NIPBL: variants seen among roughly 807,000 people sequenced by gnomAD.
NIPBL encodes nipped-B-like protein.
A neutral mutation model predicts 321.8 loss-of-function variants in NIPBL; 19 were observed. That is an observed-to-expected ratio of 0.06 (90% CI 0.04 to 0.09). The LOEUF is 0.09. Among genes scored for constraint, NIPBL ranks in the 10% least tolerant of loss-of-function variants. The pLI is 1.00. For missense variants in NIPBL, 2,210 were observed against 3,327.0 expected (o/e 0.66, Z 8.26); for synonymous variants, 1,106 against 1,114.1 (o/e 0.99, Z 0.14).
At chr5:37,050,085 A>G (rs1430525934) in intron 40 of NIPBL, among the ~76,000 whole-genome samples, 2 of 152,160 alleles carry the variant, frequency 1.3e-5, no homozygotes, top group South Asian at 2.1e-4. Flanking sequence ...ACAGTAGTAC[A>G]TTGAGACTGT....
intron 6 of NIPBL, among the ~76,000 whole-genome samples, chr5:36,966,879 C>T (rs1378729034): frequency 6.6e-6 from 1 of 151,712 alleles, no homozygotes; most frequent in Non-Finnish European, 1.5e-5. Context: ...ATAAGAAAAA[C>T]GTGGGCGAAT....
chr5:37,007,720 C>G (rs189104449), intron 18 of NIPBL, among the ~76,000 whole-genome samples: 2 of 151,834 alleles, frequency 1.3e-5, no homozygotes, highest in African/African-American at 4.8e-5. Context: ...TATTTTCATG[C>G]AGATATTAAA....
chr5:36,927,503 G>A (rs1050258937), intron 1 of NIPBL, among the ~76,000 whole-genome samples: 7 of 152,088 alleles, frequency 4.6e-5, no homozygotes, highest in African/African-American at 1.7e-4. Flanking sequence ...GTCTGGGAAG[G>A]GAGCATGGTG....
In NIPBL at chr5:37,033,653, T is replaced by C. The variant is rs1457824147; in HGVS notation, c.5863-2726T>C. Among the ~76,000 whole-genome samples, 4 of 140,784 alleles carry C rather than the reference T, an allele frequency of 2.8e-5. No homozygotes were observed. The East Asian group carries it at 8.2e-4, about 29-fold the overall frequency. The allele number at this position is 140,784 out of a possible 152,430, so 92.4% of individuals were successfully genotyped here. A position where few individuals can be genotyped will look rare whatever the true frequency, so the allele number is the denominator to read the frequency against. On this transcript the variant is annotated intron_variant, in intron 32 of 46. Transcript: ENST00000282516. ...TTTTAGAAAATATAGGAGAAAAAAATTTTTAATTACATATGTGTGTGTATA... is the reference window on the plus strand; with the variant it reads ...TTTTAGAAAATATAGGAGAAAAAAACTTTTAATTACATATGTGTGTGTATA...
intron 1 of NIPBL, among the ~76,000 whole-genome samples, chr5:36,897,570 C>T (rs371946733): frequency 6.6e-5 from 10 of 152,030 alleles, no homozygotes; most frequent in South Asian, 2.1e-4. Flanking sequence ...AACAAACTTA[C>T]GCACATATGA....
rs187927892 is a variant in NIPBL, at chr5:36,980,471, T to C, written c.1495+4069T>C. The stretch of plus-strand genomic sequence containing the variant: ...TGATGTTTCATTTCACACCAGACTT[T>C]ATATACAATGGTGGTCCCATAAAAA... On this transcript the variant is annotated intron_variant, in intron 9 of 46. Transcript: ENST00000282516. Among the ~76,000 whole-genome samples, 6 of 151,836 alleles carry C rather than the reference T, an allele frequency of 4.0e-5. No homozygotes were observed. In the East Asian group the frequency reaches 9.6e-4, roughly 24 times the overall value.
intron 1 of NIPBL, among the ~76,000 whole-genome samples, chr5:36,902,598 C>CTGTGTATCTGTTTAG (rs1384275869): frequency 6.6e-6 from 1 of 152,118 alleles, no homozygotes; most frequent in Admixed American, 6.6e-5. Context: ...TTCCATTTGT[C>CTGTGTATCTGTTTAG]TGTGTATCTG....
At chr5:37,052,597 A>ATTCT in intron 42 of NIPBL, 31 bp downstream of exon 42, 1 of 1,563,648 alleles carries the variant, frequency 6.4e-7, no homozygotes, top group Non-Finnish European at 8.8e-7. Flanking sequence ...TTTTAAGAAA[A>ATTCT]TAAGTGCTCT....
At chr5:37,048,786 T>A (rs1753225685) in intron 39 of NIPBL, 111 bp downstream of exon 39, 1 of 917,914 alleles carries the variant, frequency 1.1e-6, no homozygotes, top group African/African-American at 1.7e-5. Context: ...AGAAATTCAG[T>A]TAAATAGCAG....
At chr5:37,003,169 C>T (rs1747020610) in intron 15 of NIPBL, 92 bp from the exon 16 acceptor site, 1 of 810,960 alleles carries the variant, frequency 1.2e-6, no homozygotes, top group Non-Finnish European at 2.1e-6. Context: ...CTATTTCCTC[C>T]ATAGCTCAAA....
chr5:37,009,106 G>T (rs893627864), intron 20 of NIPBL, among the ~76,000 whole-genome samples: 1 of 152,106 alleles, frequency 6.6e-6, no homozygotes, highest in African/African-American at 2.4e-5. Flanking sequence ...TTATTTCCAG[G>T]CACTGGAGAG....
At chr5:36,902,879 T>C (rs1039319659) in intron 1 of NIPBL, among the ~76,000 whole-genome samples, 1 of 152,222 alleles carries the variant, frequency 6.6e-6, no homozygotes, top group African/African-American at 2.4e-5. Context: ...TTTAACAATA[T>C]TGATTCTTTC....
chr5:37,020,434 T>A, intron 25 of NIPBL, 25 bp from the exon 26 acceptor site: 1 of 1,493,282 alleles, frequency 6.7e-7, no homozygotes, highest in Non-Finnish European at 9.3e-7. Flanking sequence ...TTCATCAAGC[T>A]CAAGTCTGTC....
chr5:37,059,780 C>T lies in NIPBL; in HGVS notation c.7685+615C>T, dbSNP rs540390868. On this transcript the variant is annotated intron_variant, in intron 44 of 46. Coordinates refer to ENST00000282516, the MANE Select transcript of NIPBL (RefSeq NM_133433.4). ...TACAAGTTTAAGTTTTTAAAGAGCTCTGAAGTAACAGATGTAAACCAACTA... is the reference window on the plus strand; with the variant it reads ...TACAAGTTTAAGTTTTTAAAGAGCTTTGAAGTAACAGATGTAAACCAACTA... Among the ~76,000 whole-genome samples, 40 of 152,250 alleles carry T rather than the reference C, an allele frequency of 2.6e-4. 1 individual carries two copies. In the South Asian group the frequency reaches 8.1e-3, roughly 31 times the overall value.
chr5:36,959,767 C>G (rs1261494660), intron 4 of NIPBL, among the ~76,000 whole-genome samples: 4 of 152,330 alleles, frequency 2.6e-5, no homozygotes, highest in African/African-American at 9.6e-5. Context: ...GTTCACCTCT[C>G]AGTCACATAT....
At chr5:37,031,988 A>G (rs1284680785) in intron 32 of NIPBL, among the ~76,000 whole-genome samples, 2 of 152,158 alleles carry the variant, frequency 1.3e-5, no homozygotes, top group Admixed American at 1.3e-4. Flanking sequence ...CAGGGATGAT[A>G]GTTATGGTCC....
At chr5:36,955,134 A>G (rs1740797366) in intron 2 of NIPBL, 1 of 253,010 alleles carries the variant, frequency 4.0e-6, no homozygotes, top group South Asian at 5.0e-5. Context: ...CTTATAAACA[A>G]GAACAAATGA....
At chr5:36,879,210 A>G (rs754198879) in intron 1 of NIPBL, among the ~76,000 whole-genome samples, 5 of 152,192 alleles carry the variant, frequency 3.3e-5, no homozygotes, top group African/African-American at 9.7e-5. Context: ...ATTTTCACGA[A>G]CTGAAGCAAC....
chr5:37,046,603 C>T (rs908898328), intron 38 of NIPBL, among the ~76,000 whole-genome samples: 1 of 152,118 alleles, frequency 6.6e-6, no homozygotes, highest in African/African-American at 2.4e-5. Context: ...GAAGCTGCCA[C>T]ATCTGGTTAA....
Sources: allele counts gnomAD v4.1 joint callset (sites outside exome capture counted in the v4.1 genomes callset), GRCh38; gene constraint gnomAD v4.1.1; transcripts MANE v1.5; gene names NCBI Gene and HGNC (gene_info 2026-07-23, HGNC 2026-07-21).